The following MASP2 variants were observed in gnomAD, a reference collection of about 807,000 sequenced individuals.
The protein encoded by MASP2 is mannan-binding lectin serine protease 2.
In MASP2, 49 loss-of-function variants were observed where a neutral mutation model predicts 57.1. The ratio of observed to expected loss-of-function variants is 0.86; its 90% CI spans 0.68 to 1.09. The LOEUF (loss-of-function observed/expected upper bound fraction) is 1.09, where lower values mean the gene tolerates loss of function less well. Among genes scored for constraint, MASP2 ranks in the 50% least tolerant of loss-of-function variants. MASP2 has a pLI of 0.00. For missense variants in MASP2, 900 were observed against 874.8 expected, an observed-to-expected ratio of 1.03 and a Z score of -0.36; for synonymous variants, 379 against 340.8, an observed-to-expected ratio of 1.11 and a Z score of -1.24.
chr1:11,034,803 G>C lies in MASP2; in HGVS notation c.1087+25C>G, dbSNP rs369991974. 147 of 1,577,768 alleles carry C rather than the reference G, an allele frequency of 9.3e-5. 2 individuals are homozygous for C. In the South Asian group the frequency reaches 1.6e-3, roughly 17 times the overall value. On this transcript the variant is annotated intron_variant, in intron 8 of 10. Coordinates refer to ENST00000400897, the MANE Select transcript of MASP2 (RefSeq NM_006610.4). ...AGAGGGAGTTCCGGGCGGTTATGGG[G>C]CCTGTAGTCACCACACGACCGTACT...
chr1:11,046,466 A>T (rs1638640290), intron 3 of MASP2, 90 bp downstream of exon 3: 3 of 1,456,314 alleles, frequency 2.1e-6, no homozygotes, highest in South Asian at 2.3e-5. Context: ...AAGGTGGGGA[A>T]ACTGAAGGCA....
chr1:11,044,766 A>G (rs1403890488), intron 4 of MASP2: 8 of 994,304 alleles, frequency 8.0e-6, no homozygotes, highest in Admixed American at 2.3e-5. Context: ...CCGCCTCCCG[A>G]CCCTCCCACC....
chr1:11,037,587 G>GT (rs1464045052), intron 7 of MASP2, 106 bp downstream of exon 7: 6 of 681,000 alleles, frequency 8.8e-6, no homozygotes, highest in African/African-American at 1.8e-5. Flanking sequence ...AAGAAATCAT[G>GT]CTGACACACG....
chr1:11,045,780 C>T (rs1460200133), intron 3 of MASP2: 5 of 555,126 alleles, frequency 9.0e-6, no homozygotes, highest in Middle Eastern at 4.7e-4. Flanking sequence ...TTTCAGTGTC[C>T]GGCCCGAGGT....
Position 11,030,899 on chromosome 1 carries a change from G to T in MASP2, c.1088-17C>A, listed in dbSNP as rs1002151670. 2.5e-6 allele frequency: 4 copies of T among 1,608,838 alleles called. No individual in the cohort carries two copies. In the African/African-American group the frequency reaches 5.4e-5, roughly 22 times the overall value. On this transcript the variant is annotated splice_polypyrimidine_tract_variant and intron_variant, in intron 8 of 10. Transcript: ENST00000400897. ...AGTCAACAACTAAGAAAGAAGCATG[G>T]GAGGGAGGAATCCATTGATCATTTC...
At chr1:11,045,754 G>T (rs1382797949) in intron 3 of MASP2, 4 of 581,530 alleles carry the variant, frequency 6.9e-6, no homozygotes, top group African/African-American at 1.9e-5. Flanking sequence ...CATCACCTCT[G>T]TTAAACCAGT....
Position 11,046,672 on chromosome 1 carries a change from C to G in MASP2, c.296G>C (p.Arg99Pro). ...GTAGAAAGTGTCCTTGCCAGGGGCC[C>G]GCTCCGTGTCTGTGCTCTCCTGCCC... is the stretch of plus-strand genomic sequence containing the variant. ...LCGQESTDTE[R>P]APGKDTFYSL... Residue 99 changes from arginine to proline, a missense_variant, in exon 3 of 11, where the codon CGG becomes CCG. By Grantham distance (103) the Arg-to-Pro change is moderately radical (BLOSUM62 -2). Coordinates refer to ENST00000400897, the MANE Select transcript of MASP2 (RefSeq NM_006610.4). 6.2e-7 allele frequency: 1 copy of G among 1,613,498 alleles called. No individual in the cohort carries two copies. The highest frequency in any genetic ancestry group is 1.1e-5 in the South Asian group (1 of 91,076).
At chr1:11,045,854 A>G (rs1638623005) in intron 3 of MASP2, 2 of 400,030 alleles carry the variant, frequency 5.0e-6, no homozygotes, top group African/African-American at 2.0e-5. Context: ...GAACCCTTGC[A>G]GCAGCTTCCT....
intron 6 of MASP2, among the ~76,000 whole-genome samples, chr1:11,039,336 GGATGGA>G (rs1638342820): frequency 4.5e-4 from 5 of 11,122 alleles, no homozygotes; most frequent in African/African-American, 8.8e-4. Flanking sequence ...GATGGTGGAT[GGATGGA>G]TGGATGGATG....
At chr1:11,030,149 A>G (rs763771646) in intron 10 of MASP2, 27 bp downstream of exon 10, 2 of 1,539,336 alleles carry the variant, frequency 1.3e-6, no homozygotes, top group South Asian at 2.3e-5. Context: ...ATCAATTACC[A>G]GTCTCTTGTA....
chr1:11,036,525 A>AG (rs1638241171), intron 7 of MASP2, among the ~76,000 whole-genome samples: 1 of 131,266 alleles, frequency 7.6e-6, no homozygotes, highest in African/African-American at 4.0e-5. Flanking sequence ...AAAAAAAAAA[A>AG]AAAAAAAAAA....
chr1:11,043,082 G>C (rs930415513), intron 5 of MASP2, 60 bp from the exon 6 acceptor site: 6 of 1,569,194 alleles, frequency 3.8e-6, no homozygotes, highest in Admixed American at 1.7e-5. Flanking sequence ...TGGGCCGGAG[G>C]GAAGTAACCC....
In MASP2 at chr1:11,026,797, AATG is replaced by A. The variant is rs1411931127; in HGVS notation, c.*85_*87del. 8 of 1,158,822 alleles carry A rather than the reference AATG, an allele frequency of 6.9e-6. No homozygotes were observed. Among genetic ancestry groups the A allele is most frequent in the Non-Finnish European group, 8.3e-6 (7 of 845,198 alleles). The allele number at this position is 1,158,822 out of a possible 1,614,324, so 71.8% of individuals were successfully genotyped here. A position where few individuals can be genotyped will look rare whatever the true frequency, so the allele number is the denominator to read the frequency against. ...GAGCAACAACTGCCATGTCCACAGT[AATG>A]ATGAATGCTTCTCGAGCCACGTCGC... is the stretch of plus-strand genomic sequence containing the variant. On this transcript the variant is annotated 3_prime_UTR_variant, in exon 11 of 11. Transcript: ENST00000400897.
In MASP2 at chr1:11,042,969, G is replaced by A. The variant is rs749305641; in HGVS notation, c.795C>T (p.His265=). 3.7e-6 allele frequency: 6 copies of A among 1,614,032 alleles called. No homozygotes were observed. Among genetic ancestry groups the A allele is most frequent in the Non-Finnish European group, 4.2e-6 (5 of 1,179,930 alleles). ...HGPFCGKTLP[H]RIETKSNTVT... The stretch of plus-strand genomic sequence containing the variant: ...CCGTGTTGCTTTTTGTTTCAATCCT[G>A]TGGGGCAATGTCTTCCCACAGAATG... The change falls in exon 6 of 11, where the codon CAC becomes CAT. Residue 265 remains histidine, a synonymous_variant. Transcript: ENST00000400897.
Position 11,027,134 on chromosome 1 carries a change from C to T in MASP2, c.1812G>A (p.Lys604=), listed in dbSNP as rs1643749249. The part of the protein sequence containing the change: ...DHQKCTAAYE[K]PPYPRGSVTA... ...TTACACTTCCCCTTGGATAGGGTGG[C>T]TTTTCATATGCAGCAGTACATTTTT... Residue 604 remains lysine, a synonymous_variant, in exon 11 of 11, where the codon AAG becomes AAA. Transcript: ENST00000400897. 6.2e-7 allele frequency: 1 copy of T among 1,612,652 alleles called. No individual in the cohort carries two copies. Among genetic ancestry groups the T allele is most frequent in the Admixed American group, 1.7e-5 (1 of 59,780 alleles).
intron 7 of MASP2, among the ~76,000 whole-genome samples, chr1:11,036,546 AAAG>A (rs1460075059): frequency 2.7e-5 from 4 of 148,632 alleles, no homozygotes; most frequent in Admixed American, 6.7e-5. Context: ...AACAAAAAAA[AAAG>A]AAACTAAAGA....
At position 11,027,128 on chromosome 1, in the gene MASP2, G is replaced by A. The variant is rs1643748919; in HGVS notation, c.1818C>T (p.Pro606=). The A allele has an allele frequency of 1.9e-6, 3 of 1,612,668 alleles. No homozygotes were observed. The highest frequency in any genetic ancestry group is 1.3e-5 in the African/African-American group (1 of 75,022). The change falls in exon 11 of 11, where the codon CCC becomes CCT. Residue 606 remains proline, a synonymous_variant. Transcript: ENST00000400897. The part of the protein sequence containing the change: ...QKCTAAYEKP[P]YPRGSVTANM... ...TAGCAGTTACACTTCCCCTTGGATA[G>A]GGTGGCTTTTCATATGCAGCAGTAC...
intron 6 of MASP2, 81 bp downstream of exon 6, chr1:11,042,794 C>T: frequency 6.6e-7 from 1 of 1,507,214 alleles, no homozygotes; most frequent in Non-Finnish European, 9.1e-7. Flanking sequence ...AGAAGGAGCC[C>T]TACACTCTAC....
intron 8 of MASP2, 43 bp downstream of exon 8, chr1:11,034,785 G>C (rs1643875757): frequency 7.3e-7 from 1 of 1,362,738 alleles, no homozygotes; most frequent in Non-Finnish European, 1.0e-6. Flanking sequence ...AGCAGAGGGA[G>C]TTCCGGGCGG....
Sources: allele counts gnomAD v4.1 joint callset (sites outside exome capture counted in the v4.1 genomes callset), GRCh38; gene constraint gnomAD v4.1.1; transcripts MANE v1.5; gene names NCBI Gene and HGNC (gene_info 2026-07-23, HGNC 2026-07-21).